Variants in SLITRK3 observed in about 807,000 individuals in gnomAD.
SLITRK3 encodes the protein SLIT and NTRK-like protein 3.
A neutral mutation model predicts 63.6 loss-of-function variants in SLITRK3; 16 were observed. That is an observed-to-expected ratio of 0.25 (90% CI 0.17 to 0.38). SLITRK3 has a LOEUF of 0.38. SLITRK3 is among the 10% of genes least tolerant of loss of function. The pLI is 1.00. For missense variants in SLITRK3, 1,117 were observed against 1,181.4 expected, an observed-to-expected ratio of 0.95 and a Z score of 0.80; for synonymous variants, 547 against 451.6, an observed-to-expected ratio of 1.21 and a Z score of -2.68.
rs776015238 is a variant in SLITRK3 at position 165,188,715 on chromosome 3, G to C, written c.2116C>G (p.His706Asp). The change falls in exon 2 of 2, where the codon CAC (histidine) becomes GAC (aspartate). Residue 706 changes from histidine to aspartate, a missense_variant. His to Asp is a moderately conservative substitution (Grantham distance 81, BLOSUM62 -1). Transcript: ENST00000475390. ...CCTCCACCATCCTCAAACAGCCTGTGGCATTGCATTTGGATGCCAGTAAGG... is the reference window on the plus strand; with the variant it reads ...CCTCCACCATCCTCAAACAGCCTGTCGCATTGCATTTGGATGCCAGTAAGG... ...VDLTGIQMQC[H>D]RLFEDGGGGG... 1 of 1,614,152 alleles carries C rather than the reference G, an allele frequency of 6.2e-7. No individual in the cohort carries two copies. The highest frequency in any genetic ancestry group is 1.3e-5 in the African/African-American group (1 of 75,044).
intron 1 of SLITRK3, among the ~76,000 whole-genome samples, chr3:165,193,913 A>G (rs1718330435): frequency 6.6e-6 from 1 of 152,126 alleles, no homozygotes; most frequent in Non-Finnish European, 1.5e-5. Context: ...GATTGAAGGA[A>G]GATATTGTAT....
At chr3:165,193,610 G>T (rs1718320481) in intron 1 of SLITRK3, among the ~76,000 whole-genome samples, 2 of 152,012 alleles carry the variant, frequency 1.3e-5, no homozygotes, top group African/African-American at 4.8e-5. Context: ...GAATTCTTTT[G>T]TTGTGCTGCA....
Position 165,189,048 on chromosome 3 carries a change from C to T in SLITRK3, c.1783G>A (p.Glu595Lys). 6.2e-7 allele frequency: 1 copy of T among 1,614,170 alleles called. No homozygotes were observed. Among genetic ancestry groups the T allele is most frequent in the South Asian group, 1.1e-5 (1 of 91,090 alleles). Reference sequence around the variant, plus strand: ...CGCACATCACGGTGCGTGAGGTTCTCAGGGCTCCTGCAAAGCACATCACCA... The same window carrying T: ...CGCACATCACGGTGCGTGAGGTTCTTAGGGCTCCTGCAAAGCACATCACCA... ...VVGDVLCRSP[E>K]NLTHRDVRTI... The change falls in exon 2 of 2, where the codon GAG (glutamate) becomes AAG (lysine). Residue 595 changes from glutamate (E) to lysine (K), a missense_variant. This residue lies in a region of SLITRK3 where 158 missense variants were observed against 197.2 expected (regional missense o/e 0.80). Transcript: ENST00000475390. This position sits in a 1 kb window ranked among gnomAD's most constrained non-coding sequence, Gnocchi z 4.0.
upstream of SLITRK3, chr3:165,196,909 C>CTCTCTCTCTCTCTG (rs1560057608): frequency 1.1e-4 from 16 of 145,418 alleles, no homozygotes; most frequent in African/African-American, 4.0e-4. Context: ...CTCTCTCTCT[C>CTCTCTCTCTCTCTG]TCTCTCTCTC....
At chr3:165,191,190 A>G (rs1213738881) in intron 1 of SLITRK3, among the ~76,000 whole-genome samples, 2 of 152,244 alleles carry the variant, frequency 1.3e-5, no homozygotes, top group Non-Finnish European at 2.9e-5. Context: ...CAGATTCAGT[A>G]ATAATGGCAA....
At chr3:165,192,604 G>A (rs1718274177) in intron 1 of SLITRK3, among the ~76,000 whole-genome samples, 1 of 151,300 alleles carries the variant, frequency 6.6e-6, no homozygotes, top group South Asian at 2.1e-4. Context: ...TTGAGTTTAA[G>A]GATTCTCTCT....
rs1488802350 is a variant in SLITRK3 at position 165,188,411 on chromosome 3, TTAC to T, written c.2417_2419del (p.Ser806del). The T allele has an allele frequency of 6.2e-7, 1 of 1,613,938 alleles. No homozygotes were observed. The highest frequency in any genetic ancestry group is 8.5e-7 in the Non-Finnish European group (1 of 1,179,970). On this transcript the variant is annotated inframe_deletion, in exon 2 of 2. Coordinates refer to ENST00000475390, the MANE Select transcript of SLITRK3 (RefSeq NM_001318810.2). ...CTCTTTTTCCAGCAAGGTCCGGTAG[TTAC>T]TATGGTTCTCCTTGGGTGTCTCAGC...
chr3:165,196,897 G>GTCTCTCCCTCTCTCTCTC (rs1718450480), upstream of SLITRK3: 1 of 96,474 alleles, frequency 1.0e-5, no homozygotes, highest in Non-Finnish European at 2.0e-5. Context: ...CTCTCTCTCT[G>GTCTCTCCCTCTCTCTCTC]TCTCTCTCTC....
upstream of SLITRK3, chr3:165,196,897 G>GTCTCTCTCTCTCTCTGTC: frequency 1.0e-5 from 1 of 96,526 alleles, no homozygotes; most frequent in East Asian, 3.8e-4. Context: ...CTCTCTCTCT[G>GTCTCTCTCTCTCTCTGTC]TCTCTCTCTC....
At chr3:165,194,011 T>TG (rs1366888046) in intron 1 of SLITRK3, among the ~76,000 whole-genome samples, 1 of 152,154 alleles carries the variant, frequency 6.6e-6, no homozygotes, top group East Asian at 1.9e-4. Flanking sequence ...TCCTGCCTGC[T>TG]GGGAAGGAAT....
At chr3:165,191,260 T>A (rs1718214452) in intron 1 of SLITRK3, among the ~76,000 whole-genome samples, 1 of 152,232 alleles carries the variant, frequency 6.6e-6, no homozygotes, top group Non-Finnish European at 1.5e-5. Flanking sequence ...AAGATACTCA[T>A]AATAAATCTG....
In SLITRK3 at chr3:165,189,613, C is replaced by T. The variant is rs1181637830; in HGVS notation, c.1218G>A (p.Arg406=). 4 of 1,614,130 alleles carry T rather than the reference C, an allele frequency of 2.5e-6. No individual in the cohort carries two copies. In the African/African-American group the frequency reaches 4.0e-5, roughly 16 times the overall value. ...GATACAGTTTCTTGGCATTCAAGGG[C>T]CTTGGAAGAAGTTCAGAAATGTTAT... ...GFNNISELLP[R]PLNAKKLYLS... is the part of the protein sequence containing the mutation. Residue 406 remains arginine (R), a synonymous_variant, in exon 2 of 2, where the codon AGG becomes AGA. Transcript: ENST00000475390. This position sits in a 1 kb window ranked among gnomAD's most constrained non-coding sequence, Gnocchi z 4.0.
At position 165,187,211 on chromosome 3, in the gene SLITRK3, AGT is replaced by A. The variant is rs34713758; in HGVS notation, c.*684_*685del. 0.16 allele frequency: 22,988 copies of A among 141,066 alleles called. 2,066 individuals carry two copies. The highest frequency in any genetic ancestry group is 0.51 in the East Asian group (2,376 of 4,620). 8.7% of individuals were successfully genotyped at this position (141,066 alleles called of 1,614,324 possible). ...ATTGAGTTGAATGGAAATGGTATGG[AGT>A]GTGTGTGTGTGTGTGTGTGTGTGTG... On this transcript the variant is annotated 3_prime_UTR_variant, in exon 2 of 2. Transcript: ENST00000475390.
upstream of SLITRK3, chr3:165,196,897 G>GTCTCTCTCTGTCTCTCTC (rs1718450783): frequency 1.0e-5 from 1 of 96,474 alleles, no homozygotes; most frequent in African/African-American, 3.6e-5. Flanking sequence ...CTCTCTCTCT[G>GTCTCTCTCTGTCTCTCTC]TCTCTCTCTC....
In SLITRK3 at chr3:165,188,956, G is replaced by A; in HGVS notation, c.1875C>T (p.Ala625=). 6.2e-7 allele frequency: 1 copy of A among 1,614,102 alleles called. No individual in the cohort carries two copies. Among genetic ancestry groups the A allele is most frequent in the Non-Finnish European group, 8.5e-7 (1 of 1,180,000 alleles). The part of the protein sequence containing the change: ...LHVAPAGESP[A]QPGDSHLIGA... ...CAATAAGGTGAGAATCTCCAGGCTG[G>A]GCTGGGGATTCTCCAGCTGGTGCAA... is the stretch of plus-strand genomic sequence containing the variant. The change falls in exon 2 of 2, where the codon GCC becomes GCT. Residue 625 remains alanine (A), a synonymous_variant. Transcript: ENST00000475390.
rs1440863421 is a variant in SLITRK3, at chr3:165,189,033, G to A, written c.1798C>T (p.Arg600Cys). 6 of 1,614,138 alleles carry A rather than the reference G, an allele frequency of 3.7e-6. No homozygotes were observed. The highest frequency in any genetic ancestry group is 2.2e-5 in the South Asian group (2 of 91,078). ...LCRSPENLTH[R>C]DVRTIELEVL... is the part of the protein sequence containing the mutation. ...TCCAGCTCAATAGTGCGCACATCAC[G>A]GTGCGTGAGGTTCTCAGGGCTCCTG... The change falls in exon 2 of 2, where the codon CGT (arginine) becomes TGT (cysteine). Residue 600 changes from arginine (R) to cysteine (C), a missense_variant. Physicochemically the swap from Arg to Cys is radical, Grantham distance 180. Around this residue, in one of 4 missense-constraint regions of SLITRK3, gnomAD observed 158 missense variants for 197.2 expected, o/e 0.80. Coordinates refer to ENST00000475390, the MANE Select transcript of SLITRK3 (RefSeq NM_001318810.2). The surrounding 1 kb of genome is among the most constrained non-coding windows in gnomAD (Gnocchi z 4.0).
chr3:165,190,555 T>A lies in SLITRK3; in HGVS notation c.276A>T (p.Leu92Phe). Residue 92 changes from leucine to phenylalanine, a missense_variant, in exon 2 of 2, where the codon TTA becomes TTT. By Grantham distance (22) the Leu-to-Phe change is conservative. Around this residue, in one of 4 missense-constraint regions of SLITRK3, gnomAD observed 452 missense variants for 495.3 expected, o/e 0.91. Coordinates refer to ENST00000475390, the MANE Select transcript of SLITRK3 (RefSeq NM_001318810.2). ...TCAAATGAAGAAAACTGTTGGTATA[T>A]AATTTCCTCATAGAATTCCTCTGCA... is the stretch of plus-strand genomic sequence containing the variant. ...LYLQRNSMRKLYTNSFLHLNN... is the reference protein window; with the variant it reads ...LYLQRNSMRKFYTNSFLHLNN... 1 of 1,613,942 alleles carries A rather than the reference T, an allele frequency of 6.2e-7. No homozygotes were observed. The highest frequency in any genetic ancestry group is 8.5e-7 in the Non-Finnish European group (1 of 1,179,992).
chr3:165,187,977 C>A lies in SLITRK3; in HGVS notation c.2854G>T (p.Asp952Tyr). The A allele has an allele frequency of 6.2e-7, 1 of 1,613,904 alleles. No homozygotes were observed. The highest frequency in any genetic ancestry group is 8.5e-7 in the Non-Finnish European group (1 of 1,180,000). The change falls in exon 2 of 2, where the codon GAT becomes TAT. Residue 952 changes from aspartate (D) to tyrosine (Y), a missense_variant. Asp to Tyr is a radical substitution (Grantham distance 160, BLOSUM62 -3). Around this residue, in one of 4 missense-constraint regions of SLITRK3, gnomAD observed 499 missense variants for 463.6 expected, o/e 1.08. Coordinates refer to ENST00000475390, the MANE Select transcript of SLITRK3 (RefSeq NM_001318810.2). ...GFTDHQTQKSDYLELRAKLQT... is the reference protein window; with the variant it reads ...GFTDHQTQKSYYLELRAKLQT... ...AGTTTGGCCCTTAACTCGAGGTAAT[C>A]ACTTTTTTGGGTTTGGTGGTCTGTG...
rs1718013389 is a variant in SLITRK3 at position 165,187,881 on chromosome 3, T to C, written c.*16A>G. 1.3e-6 allele frequency: 2 copies of C among 1,554,368 alleles called. No homozygotes were observed. The highest frequency in any genetic ancestry group is 1.4e-5 in the African/African-American group (1 of 72,050). ...TTTTGAAAAAAAAAAAGCACTAATA[T>C]ATTTTCTTCTCTCTGTTAGAACCTG... On this transcript the variant is annotated 3_prime_UTR_variant, in exon 2 of 2. Transcript: ENST00000475390.
Sources: allele counts gnomAD v4.1 joint callset (sites outside exome capture counted in the v4.1 genomes callset), GRCh38; gene constraint gnomAD v4.1.1; regional missense constraint gnomAD v4.1.1; non-coding constraint Gnocchi (gnomAD v3.1); transcripts MANE v1.5; gene names NCBI Gene and HGNC (gene_info 2026-07-23, HGNC 2026-07-21).